PLCB1: variants seen among roughly 807,000 people sequenced by gnomAD.
The protein encoded by PLCB1 is phospholipase C beta 1.
Under a neutral mutation model 161.8 loss-of-function variants are expected in PLCB1, and 46 were observed. The observed-to-expected ratio is 0.28, with a 90% CI of 0.22 to 0.36. The LOEUF (loss-of-function observed/expected upper bound fraction) is 0.36, where lower values mean the gene tolerates loss of function less well. Among genes scored for constraint, PLCB1 ranks in the 10% least tolerant of loss-of-function variants. The pLI is 1.00. For missense variants in PLCB1, 1,016 were observed against 1,472.5 expected (o/e 0.69, Z 5.07); for synonymous variants, 517 against 503.7 (o/e 1.03, Z -0.35).
At position 8,708,115 on chromosome 20, in the gene PLCB1, G is replaced by T. The variant is rs145748624; in HGVS notation, c.1168-555G>T. Among the ~76,000 whole-genome samples, 722 of 152,104 alleles carry T rather than the reference G, an allele frequency of 4.7e-3. 4 individuals are homozygous for T. The highest frequency in any genetic ancestry group is 6.3e-3 in the Non-Finnish European group (430 of 67,994). On this transcript the variant is annotated intron_variant, in intron 11 of 31. Transcript: ENST00000338037. ...TCTAACTTATATTGGGATGGTGCTCGCATGACTCTCTGAATATACTAAAAA... is the reference window on the plus strand; with the variant it reads ...TCTAACTTATATTGGGATGGTGCTCTCATGACTCTCTGAATATACTAAAAA...
chr20:8,544,071 T>C (rs1447772426), intron 3 of PLCB1, among the ~76,000 whole-genome samples: 1 of 152,174 alleles, frequency 6.6e-6, no homozygotes, highest in Non-Finnish European at 1.5e-5. Context: ...GTGGGTACTA[T>C]GCTCACAACC....
At chr20:8,400,634 A>G (rs184722071) in intron 3 of PLCB1, among the ~76,000 whole-genome samples, 2 of 152,208 alleles carry the variant, frequency 1.3e-5, no homozygotes, top group African/African-American at 4.8e-5. Flanking sequence ...AAATGATGAC[A>G]TGCTATCAAA....
intron 2 of PLCB1, among the ~76,000 whole-genome samples, chr20:8,296,729 C>T (rs906783648): frequency 1.8e-4 from 27 of 152,086 alleles, no homozygotes; most frequent in African/African-American, 6.5e-4. Context: ...CCTGTCCCAC[C>T]AGCACTGTGT....
chr20:8,740,585 G>C (rs953597783), intron 22 of PLCB1, 137 bp downstream of exon 22: 1 of 505,494 alleles, frequency 2.0e-6, no homozygotes. Flanking sequence ...CCCTACTTTC[G>C]TATGTATGTT....
At chr20:8,606,359 G>A (rs1411682790) in intron 3 of PLCB1, among the ~76,000 whole-genome samples, 1 of 152,086 alleles carries the variant, frequency 6.6e-6, no homozygotes, top group African/African-American at 2.4e-5. Flanking sequence ...CATAAACAGA[G>A]CAAGTTATTT....
At chr20:8,708,184 A>T (rs551207790) in intron 11 of PLCB1, among the ~76,000 whole-genome samples, 1 of 152,306 alleles carries the variant, frequency 6.6e-6, no homozygotes, top group Non-Finnish European at 1.5e-5. Context: ...TATCTCAAAA[A>T]AGTCACATCT....
intron 31 of PLCB1, among the ~76,000 whole-genome samples, chr20:8,796,334 G>A (rs763431731): frequency 1.1e-4 from 17 of 152,092 alleles, no homozygotes; most frequent in Non-Finnish European, 2.2e-4. Flanking sequence ...TAGACCTACC[G>A]CTGGGCTCTG....
chr20:8,314,777 A>G (rs781325341), intron 2 of PLCB1, among the ~76,000 whole-genome samples: 10 of 152,188 alleles, frequency 6.6e-5, no homozygotes, highest in Non-Finnish European at 1.0e-4. Flanking sequence ...GAAATCTTAG[A>G]TGAGGGCAGT....
At chr20:8,463,101 G>C (rs1981653583) in intron 3 of PLCB1, among the ~76,000 whole-genome samples, 1 of 150,902 alleles carries the variant, frequency 6.6e-6, no homozygotes, top group Non-Finnish European at 1.5e-5. Flanking sequence ...TCTTAAAGTA[G>C]AGTTTCTACA....
chr20:8,458,529 C>T (rs1765160255), intron 3 of PLCB1, among the ~76,000 whole-genome samples: 1 of 152,172 alleles, frequency 6.6e-6, no homozygotes, highest in Non-Finnish European at 1.5e-5. Flanking sequence ...CAAGAGAAAG[C>T]ATACTTCTTT....
intron 2 of PLCB1, among the ~76,000 whole-genome samples, chr20:8,182,152 A>G (rs547373716): frequency 1.3e-5 from 2 of 152,314 alleles, no homozygotes; most frequent in African/African-American, 4.8e-5. Flanking sequence ...TTTCATTACT[A>G]GCAATTCTAG....
intron 2 of PLCB1, among the ~76,000 whole-genome samples, chr20:8,303,684 C>T (rs974253404): frequency 2.0e-5 from 3 of 152,158 alleles, no homozygotes; most frequent in Non-Finnish European, 4.4e-5. Flanking sequence ...GTAAAATCAG[C>T]AGGCACTTCC....
chr20:8,673,053 A>G (rs563350035), intron 9 of PLCB1, among the ~76,000 whole-genome samples: 21 of 152,126 alleles, frequency 1.4e-4, no homozygotes, highest in African/African-American at 3.6e-4. Flanking sequence ...CAGAGGTTGC[A>G]GTGAGCCGAG....
At chr20:8,756,538 C>T (rs1032517637) in intron 23 of PLCB1, among the ~76,000 whole-genome samples, 1 of 152,170 alleles carries the variant, frequency 6.6e-6, no homozygotes, top group Non-Finnish European at 1.5e-5. Flanking sequence ...GACTCATAGA[C>T]TCAGCTCATC....
At chr20:8,194,051 A>G (rs547959825) in intron 2 of PLCB1, among the ~76,000 whole-genome samples, 1 of 152,002 alleles carries the variant, frequency 6.6e-6, no homozygotes, top group African/African-American at 2.4e-5. Context: ...GGGTGATACT[A>G]TGGTGCCAAC....
In PLCB1 at chr20:8,831,916, T is replaced by C. The variant is rs866920734; in HGVS notation, c.3423+41655T>C. On this transcript the variant is annotated intron_variant, in intron 31 of 31. Coordinates refer to ENST00000338037, the MANE Select transcript of PLCB1 (RefSeq NM_015192.4). ...TCTTTCTCCCTCTCTTTCTTTCTCT[T>C]TCTTTCTTTCTTTCTTTCTTTCTTT... is the stretch of plus-strand genomic sequence containing the variant. 6.9e-4 allele frequency among the ~76,000 whole-genome samples: 9 copies of C among 13,054 alleles called. No individual in the cohort carries two copies. The East Asian group carries it at 8.1e-3, about 12-fold the overall frequency. The allele number at this position is 13,054 out of a possible 152,430, so 8.6% of individuals were successfully genotyped here.
chr20:8,297,774 G>C (rs1037216273), intron 2 of PLCB1, among the ~76,000 whole-genome samples: 1 of 152,054 alleles, frequency 6.6e-6, no homozygotes, highest in African/African-American at 2.4e-5. Flanking sequence ...TCAGTCAAGA[G>C]CTATTAATTT....
intron 2 of PLCB1, among the ~76,000 whole-genome samples, chr20:8,238,709 C>T (rs1203937304): frequency 1.3e-5 from 2 of 151,400 alleles, no homozygotes; most frequent in Admixed American, 6.6e-5. Flanking sequence ...TCAAGGAAAA[C>T]GGAAAGGGGG....
At chr20:8,678,882 C>G (rs953096053) in intron 9 of PLCB1, among the ~76,000 whole-genome samples, 2 of 152,198 alleles carry the variant, frequency 1.3e-5, no homozygotes, top group Admixed American at 6.5e-5. Context: ...ATCTGGCCAA[C>G]ATGAAATTAG....
Sources: allele counts gnomAD v4.1 joint callset (sites outside exome capture counted in the v4.1 genomes callset), GRCh38; gene constraint gnomAD v4.1.1; transcripts MANE v1.5; gene names NCBI Gene and HGNC (gene_info 2026-07-23, HGNC 2026-07-21).